Variants in EPB41L3 observed in about 807,000 individuals in gnomAD.
The protein encoded by EPB41L3 is erythrocyte membrane protein band 4.1 like 3.
EPB41L3 carries 57 observed loss-of-function variants against 127.1 expected under a neutral mutation model. The observed-to-expected ratio is 0.45, with a 90% CI of 0.36 to 0.56. The LOEUF (loss-of-function observed/expected upper bound fraction) is 0.56. Among genes scored for constraint, EPB41L3 ranks in the 20% least tolerant of loss-of-function variants. The pLI is 0.00. For missense variants in EPB41L3, 1,273 were observed against 1,372.2 expected (o/e 0.93, Z 1.14); for synonymous variants, 572 against 549.5 (o/e 1.04, Z -0.57).
chr18:5,518,077 G>A (rs548296335), intron 1 of EPB41L3, among the ~76,000 whole-genome samples: 10 of 152,152 alleles, frequency 6.6e-5, no homozygotes, highest in African/African-American at 2.4e-4. Context: ...ATCCCCACAA[G>A]GTCTATTTAT....
intron 1 of EPB41L3, among the ~76,000 whole-genome samples, chr18:5,502,414 A>G (rs2091824480): frequency 6.6e-6 from 1 of 152,068 alleles, no homozygotes; most frequent in Admixed American, 6.6e-5. Flanking sequence ...ACCCTGCTTC[A>G]CTTTGTATAT....
intron 1 of EPB41L3, chr18:5,521,513 G>A (rs1330529725): frequency 6.6e-6 from 1 of 152,202 alleles, no homozygotes; most frequent in Non-Finnish European, 1.5e-5. Context: ...TGGCTAAACA[G>A]TGAGGATATC....
chr18:5,509,484 T>C (rs1021183335), intron 1 of EPB41L3, among the ~76,000 whole-genome samples: 3 of 152,180 alleles, frequency 2.0e-5, no homozygotes. Context: ...ATCTTCCTAT[T>C]TCACGGTTTG....
intron 1 of EPB41L3, among the ~76,000 whole-genome samples, chr18:5,520,368 T>C (rs1027056829): frequency 2.6e-5 from 4 of 152,118 alleles, no homozygotes; most frequent in African/African-American, 9.7e-5. Flanking sequence ...ATATTTTCCA[T>C]ATGAGGATCT....
At chr18:5,433,659 G>A in intron 7 of EPB41L3, 103 bp from the exon 8 acceptor site, 2 of 1,026,578 alleles carry the variant, frequency 1.9e-6, no homozygotes, top group Non-Finnish European at 2.9e-6. Context: ...GTCCTATGGA[G>A]GCACCAGCAG....
chr18:5,532,139 G>C (rs920622749), intron 1 of EPB41L3, among the ~76,000 whole-genome samples: 1 of 152,144 alleles, frequency 6.6e-6, no homozygotes, highest in Non-Finnish European at 1.5e-5. Context: ...CAAAAAGAAA[G>C]ACTTGGTAAA....
chr18:5,626,547 G>C (rs1374237938), intron 1 of EPB41L3, among the ~76,000 whole-genome samples: 1 of 152,126 alleles, frequency 6.6e-6, no homozygotes, highest in African/African-American at 2.4e-5. Flanking sequence ...TGCTATTCTT[G>C]ATTAACCAGC....
At chr18:5,505,890 TACCCTCCACACCTTCACCTCCATCCCC>T (rs1324019893) in intron 1 of EPB41L3, among the ~76,000 whole-genome samples, 1 of 125,454 alleles carries the variant, frequency 8.0e-6, no homozygotes, top group Non-Finnish European at 1.7e-5. Context: ...CCTCCACCCC[TACCCTCCACACCTTCACCTCCATCCCC>T]ACCCTCCACA....
chr18:5,482,679 C>G (rs775121727), intron 2 of EPB41L3, among the ~76,000 whole-genome samples: 2 of 152,174 alleles, frequency 1.3e-5, no homozygotes, highest in Non-Finnish European at 2.9e-5. Context: ...AAAACCCACA[C>G]AGGCCAGGAA....
chr18:5,514,944 C>T (rs2092693122), intron 1 of EPB41L3, among the ~76,000 whole-genome samples: 1 of 152,160 alleles, frequency 6.6e-6, no homozygotes, highest in Non-Finnish European at 1.5e-5. Flanking sequence ...TTTTAAAACA[C>T]AATTCTGACC....
chr18:5,491,160 C>G (rs2090551499), intron 1 of EPB41L3, among the ~76,000 whole-genome samples: 1 of 152,174 alleles, frequency 6.6e-6, no homozygotes. Flanking sequence ...TTCATAAAGA[C>G]AAAGCCACTC....
intron 1 of EPB41L3, among the ~76,000 whole-genome samples, chr18:5,622,466 G>A (rs1242154105): frequency 6.6e-6 from 1 of 152,202 alleles, no homozygotes; most frequent in African/African-American, 2.4e-5. Flanking sequence ...GCAGCAGGGT[G>A]AGTCTAGCAG....
chr18:5,506,132 GC>G (rs2092181092), intron 1 of EPB41L3, among the ~76,000 whole-genome samples: 1 of 151,690 alleles, frequency 6.6e-6, no homozygotes, highest in Non-Finnish European at 1.5e-5. Context: ...GTAACTGCTT[GC>G]CCAGTTACTC....
At position 5,416,215 on chromosome 18, in the gene EPB41L3, T is replaced by C. The variant is rs1278700547; in HGVS notation, c.1670A>G (p.Asp557Gly). 6.2e-7 allele frequency: 1 copy of C among 1,613,914 alleles called. No individual in the cohort carries two copies. The highest frequency in any genetic ancestry group is 1.3e-5 in the African/African-American group (1 of 74,948). Reference sequence around the variant, plus strand: ...GTAAGGCCTCCCTGGGCCATCAGAGTCCAAGGCGGGCTCTCCAGGCAGGTG... The same window carrying C: ...GTAAGGCCTCCCTGGGCCATCAGAGCCCAAGGCGGGCTCTCCAGGCAGGTG... ...AEHLPGEPAL[D>G]SDGPGRPYLG... Residue 557 changes from aspartate to glycine, a missense_variant, in exon 13 of 23, where the codon GAC becomes GGC. Asp to Gly is a moderately conservative substitution (Grantham distance 94). Transcript: ENST00000341928.
chr18:5,413,930 A>G (rs964407256), intron 13 of EPB41L3, among the ~76,000 whole-genome samples: 1 of 152,256 alleles, frequency 6.6e-6, no homozygotes, highest in Non-Finnish European at 1.5e-5. Context: ...TAATGCAGAC[A>G]TGCCCAAGTT....
chr18:5,477,855 T>C (rs1208570278), intron 3 of EPB41L3, among the ~76,000 whole-genome samples: 1 of 152,210 alleles, frequency 6.6e-6, no homozygotes, highest in Admixed American at 6.5e-5. Context: ...ACAGAATTTG[T>C]AAGTTTTCTA....
chr18:5,531,564 A>G (rs1378314829), intron 1 of EPB41L3, among the ~76,000 whole-genome samples: 5 of 151,988 alleles, frequency 3.3e-5, no homozygotes. Context: ...CTCTACTAAA[A>G]ATACAAAAAT....
chr18:5,444,808 T>C (rs566709051), intron 4 of EPB41L3, among the ~76,000 whole-genome samples: 1 of 152,292 alleles, frequency 6.6e-6, no homozygotes, highest in Non-Finnish European at 1.5e-5. Context: ...TGATTTTCAT[T>C]GGTTCAAATA....
intron 3 of EPB41L3, among the ~76,000 whole-genome samples, chr18:5,468,170 G>A (rs556036166): frequency 2.0e-5 from 3 of 152,326 alleles, no homozygotes; most frequent in South Asian, 2.1e-4. Context: ...AGCATGGGAA[G>A]GAGGCTAAGG....
Sources: gnomAD v4.1 joint callset for allele counts (sites outside exome capture counted in the v4.1 genomes callset) on GRCh38, gnomAD v4.1.1 for gene constraint, MANE v1.5 for transcripts, NCBI Gene and HGNC (gene_info 2026-07-23, HGNC 2026-07-21) for gene names.